The following SMAP1 variants were observed in gnomAD, a reference collection of about 807,000 sequenced individuals.
SMAP1 encodes stromal membrane-associated protein 1.
A neutral mutation model predicts 58.5 loss-of-function variants in SMAP1; 24 were observed. The ratio of observed to expected loss-of-function variants is 0.41; its 90% CI spans 0.30 to 0.58. The LOEUF (loss-of-function observed/expected upper bound fraction) is 0.58, where lower values mean the gene tolerates loss of function less well. Ranked by LOEUF, SMAP1 falls within the 20% of genes least tolerant of loss-of-function variation. SMAP1 has a pLI of 0.29. For synonymous variants in SMAP1, 216 were observed against 196.6 expected, an observed-to-expected ratio of 1.10 and a Z score of -0.82; for missense variants, 563 against 566.3, an observed-to-expected ratio of 0.99 and a Z score of 0.06.
At chr6:70,839,094 A>C (rs1770707870) in intron 7 of SMAP1, among the ~76,000 whole-genome samples, 1 of 152,134 alleles carries the variant, frequency 6.6e-6, no homozygotes, top group Admixed American at 6.6e-5. Flanking sequence ...TTATTGTTGG[A>C]ATAATACTGC....
At chr6:70,681,735 T>G (rs1766718332) in intron 1 of SMAP1, among the ~76,000 whole-genome samples, 1 of 152,216 alleles carries the variant, frequency 6.6e-6, no homozygotes, top group South Asian at 2.1e-4. Flanking sequence ...GAAAACATTA[T>G]GGAAAACAGT....
In SMAP1 at chr6:70,862,002, A is replaced by AG; in HGVS notation, c.*1668_*1669insG. On this transcript the variant is annotated 3_prime_UTR_variant, in exon 11 of 11. Coordinates refer to ENST00000370455, the MANE Select transcript of SMAP1 (RefSeq NM_001044305.3). Reference sequence around the variant, plus strand: ...TCCTTTGTGAAAAATAAAAAAAAAAAAGAGACTTTAAAATCCTGGTGTACT... The same window carrying AG: ...TCCTTTGTGAAAAATAAAAAAAAAAAGAGAGACTTTAAAATCCTGGTGTACT... The AG allele has an allele frequency of 6.4e-7, 1 of 1,559,928 alleles. No homozygotes were observed. The highest frequency in any genetic ancestry group is 1.2e-5 in the South Asian group (1 of 82,456).
chr6:70,679,020 GT>G (rs531088508), intron 1 of SMAP1, among the ~76,000 whole-genome samples: 85 of 137,022 alleles, frequency 6.2e-4, no homozygotes, highest in Non-Finnish European at 5.4e-4. Flanking sequence ...TAGATTTTTT[GT>G]TTTTTTTTTT....
Position 70,783,309 on chromosome 6 carries a change from C to T in SMAP1, c.415-8380C>T, listed in dbSNP as rs181483873. On this transcript the variant is annotated intron_variant, in intron 4 of 10. Coordinates refer to ENST00000370455, the MANE Select transcript of SMAP1 (RefSeq NM_001044305.3). ...CACCAGAAACCCATCTGTACGTCAC[C>T]ATCATCAAAGACCAAAAGTAGATGA... Among the ~76,000 whole-genome samples the T allele has an allele frequency of 4.5e-3, 683 of 152,240 alleles. 3 individuals carry two copies. Among genetic ancestry groups the T allele is most frequent in the South Asian group, 0.033 (158 of 4,818 alleles).
At chr6:70,717,669 C>T (rs989411929) in intron 1 of SMAP1, among the ~76,000 whole-genome samples, 1 of 152,200 alleles carries the variant, frequency 6.6e-6, no homozygotes, top group Non-Finnish European at 1.5e-5. Context: ...GGAAGTAAAG[C>T]TACGGGCTTC....
rs559216402 is a variant in SMAP1 at position 70,721,745 on chromosome 6, C to T, written c.119-10633C>T. On this transcript the variant is annotated intron_variant, in intron 1 of 10. Coordinates refer to ENST00000370455, the MANE Select transcript of SMAP1 (RefSeq NM_001044305.3). ...GGCCTCAGAATCACGGAATCATGGT[C>T]GGAAGTGAAAGGCACTTCTTACATG... Among the ~76,000 whole-genome samples, 7 of 152,120 alleles carry T rather than the reference C, an allele frequency of 4.6e-5. No individual in the cohort carries two copies. The South Asian group carries it at 6.2e-4, about 14-fold the overall frequency.
At chr6:70,790,331 G>A (rs577954378) in intron 4 of SMAP1, among the ~76,000 whole-genome samples, 2 of 152,074 alleles carry the variant, frequency 1.3e-5, no homozygotes, top group South Asian at 2.1e-4. Context: ...TAGTAGAGAC[G>A]GTTCCCCATG....
At chr6:70,745,527 G>A (rs999424049) in intron 2 of SMAP1, among the ~76,000 whole-genome samples, 59 of 152,058 alleles carry the variant, frequency 3.9e-4, no homozygotes, top group Middle Eastern at 3.2e-3. Context: ...TGTTCCATTG[G>A]TCTATCTCTC....
At chr6:70,750,770 A>G (rs553260138) in intron 2 of SMAP1, among the ~76,000 whole-genome samples, 1 of 152,302 alleles carries the variant, frequency 6.6e-6, no homozygotes, top group African/African-American at 2.4e-5. Flanking sequence ...AGGATTCTTC[A>G]ATGGTTTATT....
chr6:70,779,942 C>G (rs1767693778), intron 4 of SMAP1, among the ~76,000 whole-genome samples: 1 of 152,174 alleles, frequency 6.6e-6, no homozygotes, highest in African/African-American at 2.4e-5. Context: ...TATCAAAACC[C>G]TGTCATTGAG....
intron 5 of SMAP1, among the ~76,000 whole-genome samples, chr6:70,798,260 A>G (rs1768691326): frequency 2.7e-5 from 4 of 150,710 alleles, no homozygotes; most frequent in Admixed American, 2.0e-4. Context: ...AGTCTGTTCT[A>G]TCACTTAGTT....
rs187851934 is a variant in SMAP1, at chr6:70,771,866, C to T, written c.339-1484C>T. ...GTCGCTCACGCTGGGAGCTGTAGAC[C>T]GGAGCTGTTCCTATTTGGCCATCTT... On this transcript the variant is annotated intron_variant, in intron 3 of 10. Transcript: ENST00000370455. Among the ~76,000 whole-genome samples, 19 of 152,238 alleles carry T rather than the reference C, an allele frequency of 1.2e-4. No individual in the cohort carries two copies. The East Asian group carries it at 2.5e-3, about 20-fold the overall frequency.
intron 1 of SMAP1, among the ~76,000 whole-genome samples, chr6:70,703,000 G>T (rs376499768): frequency 1.3e-5 from 2 of 151,990 alleles, no homozygotes. Context: ...TGTGCCTTGC[G>T]TGCTAATTCA....
chr6:70,761,186 G>A (rs1289256023), intron 3 of SMAP1, among the ~76,000 whole-genome samples: 6 of 151,976 alleles, frequency 3.9e-5, no homozygotes, highest in Non-Finnish European at 8.8e-5. Flanking sequence ...AAAAGATAAA[G>A]CGTATAATAA....
At chr6:70,774,730 A>C (rs927612980) in intron 4 of SMAP1, among the ~76,000 whole-genome samples, 10 of 152,078 alleles carry the variant, frequency 6.6e-5, no homozygotes, top group African/African-American at 2.4e-4. Flanking sequence ...TATTAAAAAA[A>C]ATTTTTATTT....
At position 70,860,422 on chromosome 6, in the gene SMAP1, T is replaced by G; in HGVS notation, c.*88T>G. On this transcript the variant is annotated 3_prime_UTR_variant, in exon 11 of 11. Transcript: ENST00000370455. The stretch of plus-strand genomic sequence containing the variant: ...TTCCCCTGTTTATTCATATGCATAT[T>G]TTTTTTCTTTTTACCCATTTGTTCA... The G allele has an allele frequency of 6.8e-7, 1 of 1,465,474 alleles. No individual in the cohort carries two copies. Among genetic ancestry groups the G allele is most frequent in the Non-Finnish European group, 9.2e-7 (1 of 1,092,810 alleles). The allele number at this position is 1,465,474 out of a possible 1,614,324, so 90.8% of individuals were successfully genotyped here. A position where few individuals can be genotyped will look rare whatever the true frequency, so the allele number is the denominator to read the frequency against.
At chr6:70,848,164 A>G (rs1486628763) in intron 7 of SMAP1, among the ~76,000 whole-genome samples, 2 of 152,158 alleles carry the variant, frequency 1.3e-5, no homozygotes, top group African/African-American at 4.8e-5. Flanking sequence ...TTAACTCCCA[A>G]TAATTTGTGA....
At chr6:70,787,225 C>G (rs1195978653) in intron 4 of SMAP1, among the ~76,000 whole-genome samples, 1 of 152,080 alleles carries the variant, frequency 6.6e-6, no homozygotes, top group East Asian at 1.9e-4. Context: ...ATAAATGATG[C>G]TGGGGAAACT....
chr6:70,726,334 A>T (rs1202757969), intron 1 of SMAP1, among the ~76,000 whole-genome samples: 1 of 152,184 alleles, frequency 6.6e-6, no homozygotes, highest in Non-Finnish European at 1.5e-5. Flanking sequence ...TATACCAGAC[A>T]TTGTGCTGGG....
Sources: gnomAD v4.1 joint callset for allele counts (sites outside exome capture counted in the v4.1 genomes callset) on GRCh38, gnomAD v4.1.1 for gene constraint, MANE v1.5 for transcripts, NCBI Gene and HGNC (gene_info 2026-07-23, HGNC 2026-07-21) for gene names.